SCEL: variants seen among roughly 807,000 people sequenced by gnomAD.
SCEL encodes the protein sciellin.
SCEL carries 113 observed loss-of-function variants against 117.6 expected under a neutral mutation model. The observed-to-expected ratio is 0.96, with a 90% CI of 0.83 to 1.12. The LOEUF (loss-of-function observed/expected upper bound fraction) is 1.12. Among genes scored for constraint, SCEL ranks in the 50% most tolerant of loss-of-function variants. The pLI is 0.00. For missense variants in SCEL, 785 were observed against 810.8 expected (o/e 0.97, Z 0.39); for synonymous variants, 270 against 256.2 (o/e 1.05, Z -0.51).
chr13:77,598,376 G>A (rs934065160), intron 13 of SCEL, among the ~76,000 whole-genome samples: 4 of 152,136 alleles, frequency 2.6e-5, no homozygotes, highest in Admixed American at 6.5e-5. Flanking sequence ...AGAGGATCCC[G>A]AGATGTGTTT....
At chr13:77,570,441 G>A (rs1285817878) in intron 8 of SCEL, among the ~76,000 whole-genome samples, 3 of 152,084 alleles carry the variant, frequency 2.0e-5, no homozygotes, top group African/African-American at 4.8e-5. Flanking sequence ...GGCATAATTC[G>A]GGACCACTGA....
intron 5 of SCEL, among the ~76,000 whole-genome samples, chr13:77,565,764 A>T (rs1031197118): frequency 1.3e-5 from 2 of 152,016 alleles, no homozygotes; most frequent in African/African-American, 4.8e-5. Context: ...ATGTGTGTAA[A>T]ATGTGAGGTG....
chr13:77,617,210 C>A (rs998130355), intron 24 of SCEL, among the ~76,000 whole-genome samples: 5 of 152,008 alleles, frequency 3.3e-5, no homozygotes, highest in African/African-American at 1.2e-4. Context: ...GAAGAATAAT[C>A]CTCAATTTAG....
At chr13:77,594,035 T>C (rs1446142240) in intron 12 of SCEL, among the ~76,000 whole-genome samples, 1 of 151,992 alleles carries the variant, frequency 6.6e-6, no homozygotes, top group African/African-American at 2.4e-5. Flanking sequence ...CCTTAAGTAG[T>C]ATCATGCATG....
intron 20 of SCEL, 132 bp downstream of exon 20, chr13:77,608,247 C>G (rs1464764092): frequency 1.6e-6 from 1 of 611,484 alleles, no homozygotes; most frequent in African/African-American, 1.9e-5. Context: ...AGCTTGGTGT[C>G]TTTGAACAAG....
At chr13:77,620,209 G>A (rs2089333420) in intron 27 of SCEL, among the ~76,000 whole-genome samples, 1 of 152,106 alleles carries the variant, frequency 6.6e-6, no homozygotes, top group East Asian at 1.9e-4. Flanking sequence ...TCACAAAGCA[G>A]ACAAACAGGA....
intron 27 of SCEL, among the ~76,000 whole-genome samples, chr13:77,622,631 G>T (rs567616260): frequency 3.3e-5 from 5 of 152,280 alleles, no homozygotes; most frequent in African/African-American, 1.2e-4. Context: ...GGAGGCTGAG[G>T]TGAGAGGATG....
chr13:77,637,321 T>TATATATACATATATAAAC (rs1214561719), intron 30 of SCEL, 127 bp downstream of exon 30: 875 of 70,038 alleles, frequency 0.012, 115 homozygotes, highest in African/African-American at 0.053. Context: ...TATATATAAA[T>TATATATACATATATAAAC]ATATATACAT....
At chr13:77,564,907 T>G (rs1177216424) in intron 5 of SCEL, among the ~76,000 whole-genome samples, 1 of 152,192 alleles carries the variant, frequency 6.6e-6, no homozygotes. Context: ...CTTTTAAAAA[T>G]TATCATCCTT....
At chr13:77,575,336 T>C (rs1445005949) in intron 9 of SCEL, among the ~76,000 whole-genome samples, 1 of 152,228 alleles carries the variant, frequency 6.6e-6, no homozygotes, top group Admixed American at 6.5e-5. Context: ...TGTTAGTCTA[T>C]CTTTATAATT....
At chr13:77,546,527 G>T (rs1003841098) in intron 1 of SCEL, among the ~76,000 whole-genome samples, 1 of 152,126 alleles carries the variant, frequency 6.6e-6, no homozygotes, top group Admixed American at 6.6e-5. Context: ...CTTAACAAGT[G>T]ATCCTTCTTG....
chr13:77,589,061 A>G (rs901644289), intron 9 of SCEL, 83 bp from the exon 10 acceptor site: 2 of 955,446 alleles, frequency 2.1e-6, no homozygotes, highest in Admixed American at 4.0e-5. Context: ...ATTTTTATGT[A>G]GGCAATAAAT....
At position 77,604,266 on chromosome 13, in the gene SCEL, T is replaced by C. The variant is rs554198367; in HGVS notation, c.1098-90T>C. ...TACATTGATATAGAAAACTTGTATA[T>C]TTACCACTTCTTAATTTTTCCAGCC... On this transcript the variant is annotated intron_variant, in intron 18 of 32. Transcript: ENST00000349847. The C allele has an allele frequency of 1.5e-5, 12 of 776,314 alleles. No individual in the cohort carries two copies. In the Admixed American group the frequency reaches 3.2e-4, roughly 21 times the overall value. The allele number at this position is 776,314 out of a possible 1,614,324, so 48.1% of individuals were successfully genotyped here.
Position 77,608,046 on chromosome 13 carries a change from T to A in SCEL, c.1158-10T>A. 6.2e-7 allele frequency: 1 copy of A among 1,604,396 alleles called. No individual in the cohort carries two copies. The highest frequency in any genetic ancestry group is 8.5e-7 in the Non-Finnish European group (1 of 1,175,682). On this transcript the variant is annotated splice_polypyrimidine_tract_variant and intron_variant, in intron 19 of 32. Coordinates refer to ENST00000349847, the MANE Select transcript of SCEL (RefSeq NM_144777.3). ...TTGTCAATCTTAACCATTTCTTCAA[T>A]GTTTTAAAGGGGCCAGAGCCTTGAT...
chr13:77,613,904 G>T lies in SCEL; in HGVS notation c.1400G>T (p.Gly467Val). 1 of 1,613,310 alleles carries T rather than the reference G, an allele frequency of 6.2e-7. No individual in the cohort carries two copies. The highest frequency in any genetic ancestry group is 8.5e-7 in the Non-Finnish European group (1 of 1,179,504). The change falls in exon 24 of 33, where the codon GGT (glycine) becomes GTT (valine). Residue 467 changes from glycine (G) to valine (V), a missense_variant. By Grantham distance (109) the Gly-to-Val change is moderately radical (BLOSUM62 -3). Coordinates refer to ENST00000349847, the MANE Select transcript of SCEL (RefSeq NM_144777.3). ...TAATTTTGTTTTAGCAGTGAACAAG[G>T]TCTTGATGAACATATTAATGTCAGC... ...IPSANKSSEQ[G>V]LDEHINVSPK...
chr13:77,585,397 G>C (rs2086504091), intron 9 of SCEL, among the ~76,000 whole-genome samples: 1 of 152,194 alleles, frequency 6.6e-6, no homozygotes, highest in Non-Finnish European at 1.5e-5. Context: ...ACAGCGGGGA[G>C]AGAATATGGT....
chr13:77,602,230 T>A, intron 16 of SCEL, 106 bp downstream of exon 16: 1 of 896,942 alleles, frequency 1.1e-6, no homozygotes, highest in Non-Finnish European at 1.7e-6. Context: ...TGAACTCTTG[T>A]ACTGCTTTGA....
intron 20 of SCEL, 99 bp from the exon 21 acceptor site, chr13:77,608,959 A>G: frequency 2.1e-6 from 2 of 950,222 alleles, no homozygotes; most frequent in South Asian, 1.6e-5. Context: ...AAAACTCAGT[A>G]GTAAAATTTA....
At chr13:77,639,893 G>A (rs1043081664) in intron 30 of SCEL, among the ~76,000 whole-genome samples, 20 of 151,966 alleles carry the variant, frequency 1.3e-4, no homozygotes, top group African/African-American at 4.8e-4. Context: ...AGTGTCCTAA[G>A]ACCTTAAAAA....
Sources: gnomAD v4.1 joint callset for allele counts (sites outside exome capture counted in the v4.1 genomes callset) on GRCh38, gnomAD v4.1.1 for gene constraint, MANE v1.5 for transcripts, NCBI Gene and HGNC (gene_info 2026-07-23, HGNC 2026-07-21) for gene names.